The following GPC5 variants were observed in gnomAD, a reference collection of about 807,000 sequenced individuals.
GPC5 encodes glypican-5.
A neutral mutation model predicts 53.9 loss-of-function variants in GPC5; 47 were observed. The observed-to-expected ratio is 0.87, with a 90% CI of 0.69 to 1.11. The LOEUF is 1.11. Among genes scored for constraint, GPC5 ranks in the 50% most tolerant of loss-of-function variants. The probability of loss-of-function intolerance (pLI) is 0.00; values close to 1 mark genes in which losing one functional copy is unlikely to be tolerated. For missense variants in GPC5, 748 were observed against 713.1 expected (o/e 1.05, Z -0.56); for synonymous variants, 286 against 263.3 (o/e 1.09, Z -0.84).
At chr13:91,914,507 C>A (rs1448290446) in intron 6 of GPC5, among the ~76,000 whole-genome samples, 1 of 151,904 alleles carries the variant, frequency 6.6e-6, no homozygotes, top group East Asian at 1.9e-4. Context: ...AAGCAATAAT[C>A]ATAACCATTG....
intron 7 of GPC5, among the ~76,000 whole-genome samples, chr13:92,679,316 G>C (rs1265057143): frequency 6.6e-6 from 1 of 152,148 alleles, no homozygotes; most frequent in Non-Finnish European, 1.5e-5. Flanking sequence ...GACCTCAGTA[G>C]GATGCTTTAT....
At chr13:91,931,782 A>G (rs2139032574) in intron 6 of GPC5, among the ~76,000 whole-genome samples, 1 of 152,140 alleles carries the variant, frequency 6.6e-6, no homozygotes. Context: ...TTCACGAATG[A>G]GTTGATTCGT....
intron 7 of GPC5, among the ~76,000 whole-genome samples, chr13:92,816,165 A>G (rs1877464954): frequency 6.6e-6 from 1 of 152,074 alleles, no homozygotes; most frequent in Non-Finnish European, 1.5e-5. Flanking sequence ...AGAGGAATAC[A>G]CTTTCTCAAT....
At chr13:91,609,943 A>G (rs374303542) in intron 2 of GPC5, among the ~76,000 whole-genome samples, 1 of 152,338 alleles carries the variant, frequency 6.6e-6, no homozygotes, top group East Asian at 1.9e-4. Context: ...ATTCAAAGAC[A>G]GGTCCTCCTG....
intron 7 of GPC5, among the ~76,000 whole-genome samples, chr13:92,813,362 G>T (rs182234803): frequency 6.6e-6 from 1 of 151,908 alleles, no homozygotes; most frequent in African/African-American, 2.4e-5. Context: ...TAATGAACAC[G>T]TTTTAAATAA....
chr13:92,751,302 T>TAAAAAAAAAAAAAAAAAAAAAAAAAAAA lies in GPC5; in HGVS notation c.1562-114980_1562-114979insAAAAAAAAAAAAAAAAAAAAAAAAAAAA, dbSNP rs1566400471. 6.7e-4 allele frequency among the ~76,000 whole-genome samples: 23 copies of TAAAAAAAAAAAAAAAAAAAAAAAAAAAA among 34,424 alleles called. 5 individuals are homozygous for TAAAAAAAAAAAAAAAAAAAAAAAAAAAA. Among genetic ancestry groups the TAAAAAAAAAAAAAAAAAAAAAAAAAAAA allele is most frequent in the Admixed American group, 1.2e-3 (3 of 2,592 alleles). 22.6% of individuals were successfully genotyped at this position (34,424 alleles called of 152,430 possible). ...AAAACCTTTGGTCATCCAGAAACAT[T>TAAAAAAAAAAAAAAAAAAAAAAAAAAAA]TAAAAAAAAAAAAAAAAAAAAAAAA... is the stretch of plus-strand genomic sequence containing the variant. On this transcript the variant is annotated intron_variant, in intron 7 of 7. Coordinates refer to ENST00000377067, the MANE Select transcript of GPC5 (RefSeq NM_004466.6).
chr13:91,715,746 TG>T (rs1472023480), intron 3 of GPC5, among the ~76,000 whole-genome samples: 4 of 150,614 alleles, frequency 2.7e-5, no homozygotes, highest in Non-Finnish European at 5.9e-5. Flanking sequence ...ATCTTGAAGT[TG>T]TTTTTTTTTT....
intron 7 of GPC5, 101 bp from the exon 8 acceptor site, chr13:92,866,181 C>T: frequency 9.9e-7 from 1 of 1,008,818 alleles, no homozygotes; most frequent in Non-Finnish European, 1.4e-6. Context: ...AGAATGGTCC[C>T]CAAAAACAAT....
chr13:91,771,793 A>G (rs2037630132), intron 5 of GPC5, among the ~76,000 whole-genome samples: 1 of 152,230 alleles, frequency 6.6e-6, no homozygotes, highest in Admixed American at 6.5e-5. Context: ...ATATATTTTT[A>G]CAAAATACAG....
intron 7 of GPC5, among the ~76,000 whole-genome samples, chr13:92,358,337 C>A (rs1190183903): frequency 8.7e-6 from 1 of 115,156 alleles, no homozygotes; most frequent in African/African-American, 5.2e-5. Flanking sequence ...AGGGAACAGA[C>A]CCTGTGGCTG....
chr13:91,554,434 T>C (rs996482169), intron 2 of GPC5, among the ~76,000 whole-genome samples: 7 of 151,668 alleles, frequency 4.6e-5, no homozygotes, highest in Admixed American at 1.3e-4. Context: ...CACACACCAG[T>C]GGAGAAATTC....
At chr13:92,852,289 T>C (rs1229890383) in intron 7 of GPC5, among the ~76,000 whole-genome samples, 1 of 152,174 alleles carries the variant, frequency 6.6e-6, no homozygotes, top group Non-Finnish European at 1.5e-5. Context: ...TTAGCAACTG[T>C]GGTTGTGTTG....
At chr13:91,676,098 T>C (rs1231152080) in intron 2 of GPC5, among the ~76,000 whole-genome samples, 2 of 152,148 alleles carry the variant, frequency 1.3e-5, no homozygotes, top group African/African-American at 4.8e-5. Context: ...TGAGATGGAA[T>C]CTCCCTCTGT....
chr13:92,672,459 T>G (rs141103669), intron 7 of GPC5, among the ~76,000 whole-genome samples: 33,667 of 152,158 alleles, frequency 0.22, 4,394 homozygotes, highest in South Asian at 0.36. Context: ...TTCAGCCATT[T>G]TGGAAGACAA....
At chr13:92,247,402 A>T (rs1197521639) in intron 7 of GPC5, among the ~76,000 whole-genome samples, 1 of 152,120 alleles carries the variant, frequency 6.6e-6, no homozygotes, top group Non-Finnish European at 1.5e-5. Context: ...CTGAACTGTA[A>T]TTCAAACATG....
chr13:92,441,828 A>G (rs879333977), intron 7 of GPC5, among the ~76,000 whole-genome samples: 4 of 152,238 alleles, frequency 2.6e-5, no homozygotes, highest in Admixed American at 6.5e-5. Context: ...AGAATTAGAA[A>G]AAACTACTCT....
In GPC5 at chr13:91,448,933, C is replaced by G. The variant is rs1305702848; in HGVS notation, c.325+11C>G. The G allele has an allele frequency of 6.2e-7, 1 of 1,610,258 alleles. No homozygotes were observed. Among genetic ancestry groups the G allele is most frequent in the Non-Finnish European group, 8.5e-7 (1 of 1,178,216 alleles). Reference sequence around the variant, plus strand: ...CGGCTGCTTTTCAAGGTAAGTGGATCTTGAATTCTGCAACTAAGGACTGGC... The same window carrying G: ...CGGCTGCTTTTCAAGGTAAGTGGATGTTGAATTCTGCAACTAAGGACTGGC... On this transcript the variant is annotated intron_variant, in intron 2 of 7. Transcript: ENST00000377067.
chr13:92,752,602 C>A (rs1411757856), intron 7 of GPC5, among the ~76,000 whole-genome samples: 1 of 152,088 alleles, frequency 6.6e-6, no homozygotes, highest in African/African-American at 2.4e-5. Context: ...TAGGGAGTGC[C>A]AGACAGTGGG....
At chr13:92,463,642 A>C (rs1006692447) in intron 7 of GPC5, among the ~76,000 whole-genome samples, 2 of 152,124 alleles carry the variant, frequency 1.3e-5, no homozygotes, top group Admixed American at 6.6e-5. Flanking sequence ...CTTCAATTAT[A>C]AGATACTGTG....
Sources: allele counts gnomAD v4.1 joint callset (sites outside exome capture counted in the v4.1 genomes callset), GRCh38; gene constraint gnomAD v4.1.1; transcripts MANE v1.5; gene names NCBI Gene and HGNC (gene_info 2026-07-23, HGNC 2026-07-21).